Variants in CACHD1 observed in about 807,000 individuals in gnomAD.
CACHD1 encodes VWFA and cache domain-containing protein 1.
Under a neutral mutation model 138.7 loss-of-function variants are expected in CACHD1, and 71 were observed. The observed-to-expected ratio is 0.51, with a 90% CI of 0.42 to 0.62. The LOEUF (loss-of-function observed/expected upper bound fraction) is 0.62, where lower values mean the gene tolerates loss of function less well. Ranked by LOEUF, CACHD1 falls within the 20% of genes least tolerant of loss-of-function variation. The pLI, the probability that CACHD1 is intolerant of heterozygous loss-of-function variation, is 0.00. For missense variants in CACHD1, 1,389 were observed against 1,625.3 expected (o/e 0.85, Z 2.50); for synonymous variants, 578 against 591.5 (o/e 0.98, Z 0.33).
intron 3 of CACHD1, among the ~76,000 whole-genome samples, chr1:64,599,569 G>A (rs1647193722): frequency 6.6e-6 from 1 of 152,132 alleles, no homozygotes; most frequent in Non-Finnish European, 1.5e-5. Flanking sequence ...GGAAGAGAAG[G>A]TCGGATAGAT....
chr1:64,480,971 T>A (rs1461472479), intron 1 of CACHD1, among the ~76,000 whole-genome samples: 1 of 152,002 alleles, frequency 6.6e-6, no homozygotes, highest in Non-Finnish European at 1.5e-5. Context: ...ACAAACTAAA[T>A]GTCATTTAAA....
intron 3 of CACHD1, among the ~76,000 whole-genome samples, chr1:64,596,500 C>T (rs1449853156): frequency 6.6e-6 from 1 of 152,184 alleles, no homozygotes; most frequent in East Asian, 1.9e-4. Flanking sequence ...CAGAACCTTC[C>T]TTTAGCAGCT....
At chr1:64,673,300 G>T (rs1178030723) in intron 18 of CACHD1, 43 bp downstream of exon 18, 2 of 1,612,734 alleles carry the variant, frequency 1.2e-6, no homozygotes, top group Admixed American at 3.3e-5. Flanking sequence ...CCAACCTCCT[G>T]CAGCTCACTA....
At position 64,579,134 on chromosome 1, in the gene CACHD1, A is replaced by G. The variant is rs563117788; in HGVS notation, c.262-3022A>G. Among the ~76,000 whole-genome samples the G allele has an allele frequency of 2.6e-5, 4 of 152,362 alleles. No individual in the cohort carries two copies. The South Asian group carries it at 8.3e-4, about 32-fold the overall frequency. On this transcript the variant is annotated intron_variant, in intron 2 of 26. Coordinates refer to ENST00000651257, the MANE Select transcript of CACHD1 (RefSeq NM_020925.4). Reference sequence around the variant, plus strand: ...TGTAAAATGAAAGCAGCCGTAAACAATATGTAAACAAATGATCATGTTCCA... The same window carrying G: ...TGTAAAATGAAAGCAGCCGTAAACAGTATGTAAACAAATGATCATGTTCCA...
At chr1:64,511,545 G>A (rs1646420611) in intron 1 of CACHD1, among the ~76,000 whole-genome samples, 1 of 152,172 alleles carries the variant, frequency 6.6e-6, no homozygotes, top group Non-Finnish European at 1.5e-5. Flanking sequence ...CCTTAGAGAA[G>A]TAGAGCTCAC....
At chr1:64,658,662 A>G (rs45614838) in intron 12 of CACHD1, 43 bp from the exon 13 acceptor site, 84 of 1,494,144 alleles carry the variant, frequency 5.6e-5, no homozygotes, top group Non-Finnish European at 7.3e-5. Flanking sequence ...TCCCCATGGA[A>G]CCCTCATTTT....
chr1:64,636,217 G>C (rs913134423), intron 7 of CACHD1, among the ~76,000 whole-genome samples: 2 of 152,052 alleles, frequency 1.3e-5, no homozygotes, highest in Non-Finnish European at 2.9e-5. Flanking sequence ...CATTGTGTCT[G>C]TGTTTAAACT....
At chr1:64,639,331 T>C (rs1163315623) in intron 7 of CACHD1, among the ~76,000 whole-genome samples, 1 of 152,246 alleles carries the variant, frequency 6.6e-6, no homozygotes, top group Non-Finnish European at 1.5e-5. Flanking sequence ...TTAGGGTCCT[T>C]ATAAAATAAT....
chr1:64,538,505 A>G (rs959683172), intron 1 of CACHD1, among the ~76,000 whole-genome samples: 21 of 152,314 alleles, frequency 1.4e-4, no homozygotes, highest in African/African-American at 5.1e-4. Context: ...TAGAGTAGAA[A>G]TTTTAGGTTC....
chr1:64,526,812 TCTC>T (rs1156870099), intron 1 of CACHD1, among the ~76,000 whole-genome samples: 11 of 152,204 alleles, frequency 7.2e-5, no homozygotes, highest in African/African-American at 2.7e-4. Context: ...TCTTTCCTCT[TCTC>T]CACCCACCTC....
intron 1 of CACHD1, among the ~76,000 whole-genome samples, chr1:64,491,385 G>A (rs1374893543): frequency 5.3e-5 from 8 of 152,050 alleles, no homozygotes; most frequent in Non-Finnish European, 2.9e-5. Flanking sequence ...GTTCTGCATG[G>A]CTGGGGAGGC....
intron 9 of CACHD1, among the ~76,000 whole-genome samples, chr1:64,651,520 T>C (rs1049477223): frequency 1.9e-4 from 29 of 152,322 alleles, no homozygotes; most frequent in African/African-American, 4.8e-4. Flanking sequence ...CCAGACACAG[T>C]GGCTCATCCC....
chr1:64,654,612 C>A, intron 11 of CACHD1, 74 bp from the exon 12 acceptor site: 1 of 1,095,598 alleles, frequency 9.1e-7, no homozygotes, highest in Non-Finnish European at 1.4e-6. Context: ...GACTCAACAG[C>A]TTCTTCCTTG....
Position 64,673,189 on chromosome 1 carries a change from G to A in CACHD1, c.2542G>A (p.Val848Met), listed in dbSNP as rs748804953. The change falls in exon 18 of 27, where the codon GTG becomes ATG. Residue 848 changes from valine (V) to methionine (M), a missense_variant. Around this residue, in one of 5 missense-constraint regions of CACHD1, gnomAD observed 1,000 missense variants for 1,114.7 expected, o/e 0.90. Coordinates refer to ENST00000651257, the MANE Select transcript of CACHD1 (RefSeq NM_020925.4). The stretch of plus-strand genomic sequence containing the variant: ...CATAATGGAGGACAGGGGTTATCTG[G>A]TGGCGCACCCGACTCTCATCGACCC... ...CFIMEDRGYL[V>M]AHPTLIDPKG... 5 of 1,613,720 alleles carry A rather than the reference G, an allele frequency of 3.1e-6. No homozygotes were observed. The highest frequency in any genetic ancestry group is 2.2e-5 in the South Asian group (2 of 91,064).
intron 1 of CACHD1, among the ~76,000 whole-genome samples, chr1:64,521,529 G>C (rs1175157931): frequency 6.6e-6 from 1 of 152,202 alleles, no homozygotes; most frequent in Non-Finnish European, 1.5e-5. Context: ...TTTACAGGCT[G>C]TGACACATAT....
At chr1:64,617,379 A>C (rs1647750157) in intron 4 of CACHD1, among the ~76,000 whole-genome samples, 1 of 151,744 alleles carries the variant, frequency 6.6e-6, no homozygotes, top group African/African-American at 2.4e-5. Flanking sequence ...AAGAAGAGAG[A>C]GTGGTGGAGC....
intron 8 of CACHD1, among the ~76,000 whole-genome samples, chr1:64,646,556 C>T (rs1374061500): frequency 5.4e-5 from 8 of 148,344 alleles, no homozygotes; most frequent in Admixed American, 1.3e-4. Context: ...GGTGAAACCC[C>T]GTCTTTACCA....
At chr1:64,571,226 T>G (rs914443873) in intron 2 of CACHD1, among the ~76,000 whole-genome samples, 11 of 152,226 alleles carry the variant, frequency 7.2e-5, no homozygotes, top group African/African-American at 2.4e-4. Flanking sequence ...AGATGCTTCC[T>G]TTTGTACTGT....
chr1:64,599,546 A>G (rs1647193544), intron 3 of CACHD1, among the ~76,000 whole-genome samples: 1 of 152,128 alleles, frequency 6.6e-6, no homozygotes, highest in South Asian at 2.1e-4. Context: ...GAAGTGTAGG[A>G]TAGGAGTTGG....
Sources: allele counts gnomAD v4.1 joint callset (sites outside exome capture counted in the v4.1 genomes callset), GRCh38; gene constraint gnomAD v4.1.1; regional missense constraint gnomAD v4.1.1; transcripts MANE v1.5; gene names NCBI Gene and HGNC (gene_info 2026-07-23, HGNC 2026-07-21).